ERC1: variants seen among roughly 807,000 people sequenced by gnomAD.
The protein encoded by ERC1 is RAB6 interacting protein 2.
In ERC1, 56 loss-of-function variants were observed where a neutral mutation model predicts 132.0. That is an observed-to-expected ratio of 0.42 (90% CI 0.34 to 0.53). The LOEUF (loss-of-function observed/expected upper bound fraction) is 0.53, where lower values mean the gene tolerates loss of function less well. Among genes scored for constraint, ERC1 ranks in the 20% least tolerant of loss-of-function variants. ERC1 has a pLI of 0.03. For missense variants in ERC1, 1,202 were observed against 1,349.9 expected, an observed-to-expected ratio of 0.89 and a Z score of 1.72; for synonymous variants, 478 against 476.1, an observed-to-expected ratio of 1.00 and a Z score of -0.05.
At chr12:1,443,560 CTG>C (rs1198366629) in intron 17 of ERC1, 87 of 152,404 alleles carry the variant, frequency 5.7e-4, no homozygotes, top group African/African-American at 1.9e-3. Context: ...TGGGAACACA[CTG>C]AGATCTGCCA....
intron 2 of ERC1, among the ~76,000 whole-genome samples, chr12:1,041,995 C>T (rs373207942): frequency 3.3e-5 from 5 of 152,106 alleles, no homozygotes; most frequent in East Asian, 1.9e-4. Context: ...ATGATCCACC[C>T]GCCTTGGCCT....
chr12:1,470,031 G>A (rs1037800503), intron 18 of ERC1, among the ~76,000 whole-genome samples: 3 of 152,058 alleles, frequency 2.0e-5, no homozygotes, highest in African/African-American at 7.2e-5. Context: ...GAGTTACGGG[G>A]CCAGGAGTTT....
intron 13 of ERC1, among the ~76,000 whole-genome samples, chr12:1,237,613 G>T (rs990289480): frequency 6.6e-6 from 1 of 152,204 alleles, no homozygotes; most frequent in African/African-American, 2.4e-5. Flanking sequence ...TATACATTTT[G>T]CACCGGGGGA....
chr12:1,328,540 C>G (rs930289288), intron 15 of ERC1, among the ~76,000 whole-genome samples: 6 of 150,840 alleles, frequency 4.0e-5, no homozygotes, highest in African/African-American at 5.0e-5. Flanking sequence ...GACTCCGAAG[C>G]CTGACGTTGA....
intron 15 of ERC1, among the ~76,000 whole-genome samples, chr12:1,290,259 C>T (rs1174451366): frequency 6.6e-6 from 1 of 152,134 alleles, no homozygotes; most frequent in Non-Finnish European, 1.5e-5. Context: ...GTGTAATTAC[C>T]TCTCTGAAAT....
chr12:1,444,655 CT>C lies in ERC1; in HGVS notation c.3119del (p.Leu1040ArgfsTer28). The C allele has an allele frequency of 6.2e-7, 1 of 1,614,146 alleles. No homozygotes were observed. The highest frequency in any genetic ancestry group is 8.5e-7 in the Non-Finnish European group (1 of 1,179,990). On this transcript the variant is annotated frameshift_variant, in exon 18 of 19. Coordinates refer to ENST00000360905, the MANE Select transcript of ERC1 (RefSeq NM_178040.4). LOFTEE classifies it high-confidence loss of function. ...LTTLCHDRDPLILRGLTPPAS... is the reference protein window; with the variant it reads ...LTTLCHDRDPXILRGLTPPAS... ...AACCCTCTGCCATGACCGAGACCCC[CT>C]GATCCTCCGTGGACTCACTCCACCA...
At chr12:1,133,799 G>A (rs1361878955) in intron 7 of ERC1, among the ~76,000 whole-genome samples, 1 of 152,226 alleles carries the variant, frequency 6.6e-6, no homozygotes, top group East Asian at 1.9e-4. Context: ...ATCTCCCCAT[G>A]CCTCTCCCTG....
intron 2 of ERC1, among the ~76,000 whole-genome samples, chr12:1,060,672 C>T (rs1441494164): frequency 6.6e-6 from 1 of 152,024 alleles, no homozygotes; most frequent in Non-Finnish European, 1.5e-5. Flanking sequence ...ATGGGAAAGA[C>T]TGGCCCCATG....
intron 15 of ERC1, among the ~76,000 whole-genome samples, chr12:1,296,024 A>AAAAAAAAAC (rs1555349497): frequency 1.3e-5 from 2 of 150,374 alleles, no homozygotes; most frequent in Non-Finnish European, 3.0e-5. Context: ...AAAAAAAAAA[A>AAAAAAAAAC]AACAACTAAA....
chr12:1,173,158 C>T (rs1953269018), intron 8 of ERC1, among the ~76,000 whole-genome samples: 1 of 152,124 alleles, frequency 6.6e-6, no homozygotes, highest in Non-Finnish European at 1.5e-5. Flanking sequence ...TGGAAAGATG[C>T]TTTATGTGAT....
intron 14 of ERC1, among the ~76,000 whole-genome samples, chr12:1,274,209 C>T (rs190441777): frequency 1.3e-5 from 2 of 152,272 alleles, no homozygotes; most frequent in East Asian, 3.9e-4. Flanking sequence ...GTTTATGTAT[C>T]ATCCATTCAT....
At chr12:1,007,540 C>CTCTCTCTCTCTCTCTCTCTGTGTGTG (rs1555194875) in intron 1 of ERC1, among the ~76,000 whole-genome samples, 1 of 122,712 alleles carries the variant, frequency 8.1e-6, no homozygotes, top group African/African-American at 3.8e-5. Flanking sequence ...CTCTCTCTCT[C>CTCTCTCTCTCTCTCTCTCTGTGTGTG]TGTGTGTGTG....
At chr12:998,853 C>CT (rs527367596) in intron 1 of ERC1, among the ~76,000 whole-genome samples, 5,493 of 102,292 alleles carry the variant, frequency 0.054, 190 homozygotes, top group East Asian at 0.18. Flanking sequence ...TTCTCTGTCA[C>CT]TTTTTTTTTT....
intron 16 of ERC1, among the ~76,000 whole-genome samples, chr12:1,374,824 ATTTTTTTT>A (rs5795968): frequency 8.0e-6 from 1 of 124,580 alleles, no homozygotes; most frequent in Non-Finnish European, 1.7e-5. Context: ...ACAGGCTGGG[ATTTTTTTT>A]TTTTTTTTTT....
chr12:1,377,663 C>A (rs973193454), intron 16 of ERC1, among the ~76,000 whole-genome samples: 3 of 152,178 alleles, frequency 2.0e-5, no homozygotes, highest in African/African-American at 7.2e-5. Flanking sequence ...GTAGAGCTGG[C>A]CATTGGCCCA....
chr12:1,319,907 G>A (rs901087633), intron 15 of ERC1, among the ~76,000 whole-genome samples: 1 of 152,074 alleles, frequency 6.6e-6, no homozygotes, highest in South Asian at 2.1e-4. Context: ...GTGTGTGTTT[G>A]TATGCAGGGG....
At chr12:1,190,435 C>A (rs1566194253) in intron 12 of ERC1, among the ~76,000 whole-genome samples, 1 of 152,150 alleles carries the variant, frequency 6.6e-6, no homozygotes, top group Admixed American at 6.5e-5. Flanking sequence ...TAGTTTAGAC[C>A]TTTGTTGTTG....
At chr12:1,017,413 A>T (rs116088627) in intron 1 of ERC1, among the ~76,000 whole-genome samples, 1 of 152,034 alleles carries the variant, frequency 6.6e-6, no homozygotes, top group African/African-American at 2.4e-5. Flanking sequence ...TTCTGGTAAT[A>T]TTCTTCTCAG....
At chr12:1,432,896 CA>C (rs1012463576) in intron 17 of ERC1, among the ~76,000 whole-genome samples, 1 of 151,902 alleles carries the variant, frequency 6.6e-6, no homozygotes, top group Non-Finnish European at 1.5e-5. Context: ...AAACAAAAAC[CA>C]AAAAAAACTT....
Sources: allele counts gnomAD v4.1 joint callset (sites outside exome capture counted in the v4.1 genomes callset), GRCh38; gene constraint gnomAD v4.1.1; transcripts MANE v1.5; gene names NCBI Gene and HGNC (gene_info 2026-07-23, HGNC 2026-07-21).